The following NELL1 variants were observed in gnomAD, a reference collection of about 807,000 sequenced individuals.
NELL1 encodes neural EGFL like 1.
A neutral mutation model predicts 107.4 loss-of-function variants in NELL1; 76 were observed. That is an observed-to-expected ratio of 0.71 (90% CI 0.59 to 0.86). NELL1 has a LOEUF of 0.86. Among genes scored for constraint, NELL1 ranks in the 40% least tolerant of loss-of-function variants. The probability of loss-of-function intolerance (pLI) is 0.00; values close to 1 mark genes in which losing one functional copy is unlikely to be tolerated. For synonymous variants in NELL1, 353 were observed against 341.2 expected (o/e 1.03, Z -0.38); for missense variants, 1,024 against 1,005.5 (o/e 1.02, Z -0.25).
intron 11 of NELL1, among the ~76,000 whole-genome samples, chr11:20,953,359 G>A (rs1851106538): frequency 6.6e-6 from 1 of 152,188 alleles, no homozygotes; most frequent in Admixed American, 6.5e-5. Flanking sequence ...TGCTGTGGAA[G>A]AAGTTACGGG....
intron 12 of NELL1, among the ~76,000 whole-genome samples, chr11:20,989,078 G>A (rs572928494): frequency 6.6e-6 from 1 of 152,252 alleles, no homozygotes; most frequent in Non-Finnish European, 1.5e-5. Context: ...AGACAGCAAG[G>A]TTAAGCCACT....
At position 20,742,774 on chromosome 11, in the gene NELL1, A is replaced by G. The variant is rs946257453; in HGVS notation, c.185-40906A>G. ...GACATGTGGGAATTATGGGAGCTAC[A>G]ATTCAAGATGAGATTTGAGTGAGGA... On this transcript the variant is annotated intron_variant, in intron 2 of 19. Coordinates refer to ENST00000357134, the MANE Select transcript of NELL1 (RefSeq NM_006157.5). Among the ~76,000 whole-genome samples the G allele has an allele frequency of 2.0e-5, 3 of 152,222 alleles. No individual in the cohort carries two copies. The South Asian group carries it at 6.2e-4, about 32-fold the overall frequency.
intron 16 of NELL1, among the ~76,000 whole-genome samples, chr11:21,544,130 G>A (rs1009158574): frequency 6.6e-6 from 1 of 152,004 alleles, no homozygotes; most frequent in Non-Finnish European, 1.5e-5. Context: ...GGAGCCAGGG[G>A]AATTGCAATT....
intron 15 of NELL1, among the ~76,000 whole-genome samples, chr11:21,485,658 C>T (rs976622817): frequency 1.1e-4 from 17 of 151,788 alleles, no homozygotes; most frequent in African/African-American, 3.9e-4. Flanking sequence ...AGTGGCCCCG[C>T]CCTCCCTGGA....
intron 2 of NELL1, among the ~76,000 whole-genome samples, chr11:20,755,547 TTTGTTTTTG>T (rs1434735163): frequency 1.4e-3 from 55 of 38,046 alleles, no homozygotes; most frequent in South Asian, 8.6e-3. Flanking sequence ...TTTGTTTTTT[TTTGTTTTTG>T]TTTTTGTTTT....
At chr11:20,787,480 A>G (rs1856991421) in intron 3 of NELL1, among the ~76,000 whole-genome samples, 1 of 152,202 alleles carries the variant, frequency 6.6e-6, no homozygotes, top group Non-Finnish European at 1.5e-5. Flanking sequence ...AGAGGAGCAA[A>G]TTATCCTGTA....
Position 21,470,369 on chromosome 11 carries a change from A to G in NELL1, c.1646-64005A>G, listed in dbSNP as rs571925310. ...ATGATCTGGTCCTTACCTCTTATCC[A>G]ATATCATTTCTTGCCTTCTCTTACC... is the stretch of plus-strand genomic sequence containing the variant. On this transcript the variant is annotated intron_variant, in intron 15 of 19. Coordinates refer to ENST00000357134, the MANE Select transcript of NELL1 (RefSeq NM_006157.5). 5.3e-5 allele frequency among the ~76,000 whole-genome samples: 8 copies of G among 152,182 alleles called. No homozygotes were observed. The East Asian group carries it at 1.4e-3, about 26-fold the overall frequency.
At chr11:21,248,349 A>AG (rs1554987533) in intron 14 of NELL1, among the ~76,000 whole-genome samples, 196 of 151,616 alleles carry the variant, frequency 1.3e-3, no homozygotes, top group African/African-American at 3.8e-3. Flanking sequence ...GTCAAAAAAA[A>AG]AAAAGAAAAG....
intron 15 of NELL1, among the ~76,000 whole-genome samples, chr11:21,429,344 G>A (rs1852911221): frequency 6.6e-6 from 1 of 152,152 alleles, no homozygotes; most frequent in African/African-American, 2.4e-5. Context: ...TGATTCAAAT[G>A]TTTTAACTGA....
chr11:20,965,222 T>C (rs1253566448), intron 12 of NELL1, among the ~76,000 whole-genome samples: 2 of 152,164 alleles, frequency 1.3e-5, no homozygotes, highest in Non-Finnish European at 2.9e-5. Flanking sequence ...TAAAGCAATG[T>C]TTTGTCATGC....
chr11:20,693,357 A>G (rs1389340210), intron 2 of NELL1, among the ~76,000 whole-genome samples: 2 of 151,744 alleles, frequency 1.3e-5, no homozygotes, highest in East Asian at 1.9e-4. Context: ...TTTGCTTGTT[A>G]GTTGATGCAG....
intron 15 of NELL1, among the ~76,000 whole-genome samples, chr11:21,417,221 T>C (rs916050060): frequency 6.6e-6 from 1 of 152,102 alleles, no homozygotes. Context: ...CTCCCTTTTA[T>C]TTCTACCTTC....
rs536732831 is a variant in NELL1 at position 21,144,215 on chromosome 11, AGCCTCAGGTGGGCCAAGTGATGG to A, written c.1426+30504_1426+30526del. On this transcript the variant is annotated intron_variant, in intron 13 of 19. Transcript: ENST00000357134. ...CATTGCAATGTTATTGTCTGCAGGA[AGCCTCAGGTGGGCCAAGTGATGG>A]GCTGAGGGGATGATGCTATGGAACA... Among the ~76,000 whole-genome samples the A allele has an allele frequency of 2.1e-4, 32 of 152,298 alleles. No homozygotes were observed. The East Asian group carries it at 3.1e-3, about 15-fold the overall frequency.
chr11:21,412,035 A>G (rs1419921538), intron 15 of NELL1, among the ~76,000 whole-genome samples: 1 of 152,112 alleles, frequency 6.6e-6, no homozygotes, highest in African/African-American at 2.4e-5. Flanking sequence ...AGTAGGAGAC[A>G]TAAATTTGTG....
chr11:21,061,921 T>C (rs930502397), intron 12 of NELL1, among the ~76,000 whole-genome samples: 1 of 152,180 alleles, frequency 6.6e-6, no homozygotes, highest in African/African-American at 2.4e-5. Context: ...CTCTCATTCT[T>C]CCTCCAACTC....
intron 2 of NELL1, among the ~76,000 whole-genome samples, chr11:20,730,333 C>G (rs1261011375): frequency 6.6e-6 from 1 of 152,142 alleles, no homozygotes; most frequent in Non-Finnish European, 1.5e-5. Context: ...TGTAAACTGC[C>G]TGAAATTGCA....
At chr11:21,245,715 C>A in intron 14 of NELL1, among the ~76,000 whole-genome samples, 1 of 152,004 alleles carries the variant, frequency 6.6e-6, no homozygotes, top group East Asian at 1.9e-4. Flanking sequence ...AGTAAATGTT[C>A]ATTGAGGAAA....
At chr11:21,028,885 G>A (rs1164713991) in intron 12 of NELL1, among the ~76,000 whole-genome samples, 2 of 151,910 alleles carry the variant, frequency 1.3e-5, no homozygotes, top group Non-Finnish European at 2.9e-5. Flanking sequence ...TTTGTATATT[G>A]CCCTTAAAAG....
At chr11:21,227,615 A>G (rs1459494168) in intron 13 of NELL1, among the ~76,000 whole-genome samples, 2 of 152,134 alleles carry the variant, frequency 1.3e-5, no homozygotes, top group African/African-American at 4.8e-5. Context: ...TAGGTACTTG[A>G]TAGGTTTGTA....
Sources: gnomAD v4.1 joint callset for allele counts (sites outside exome capture counted in the v4.1 genomes callset) on GRCh38, gnomAD v4.1.1 for gene constraint, MANE v1.5 for transcripts, NCBI Gene and HGNC (gene_info 2026-07-23, HGNC 2026-07-21) for gene names.